The following INPP5D variants were observed in gnomAD, a reference collection of about 807,000 sequenced individuals.
INPP5D encodes the protein phosphatidylinositol 3,4,5-trisphosphate 5-phosphatase 1.
INPP5D carries 33 observed loss-of-function variants against 122.9 expected under a neutral mutation model. The ratio of observed to expected loss-of-function variants is 0.27; its 90% CI spans 0.20 to 0.36. INPP5D has a LOEUF of 0.36. Ranked by LOEUF, INPP5D falls within the 10% of genes least tolerant of loss-of-function variation. The pLI is 1.00. For missense variants in INPP5D, 1,053 were observed against 1,412.7 expected (o/e 0.75, Z 4.08); for synonymous variants, 584 against 576.2 (o/e 1.01, Z -0.19).
In INPP5D at chr2:233,164,076, T is replaced by C; in HGVS notation, c.1437+173T>C. ...AGAAATAAATGGGATCTGTGGGGTA[T>C]TGCTGAAAACCACTGAGTCCTCTAT... On this transcript the variant is annotated intron_variant, in intron 12 of 26. Coordinates refer to ENST00000445964, the MANE Select transcript of INPP5D (RefSeq NM_001017915.3). This position sits in a 1 kb window ranked among gnomAD's most constrained non-coding sequence, Gnocchi z 4.3. The C allele has an allele frequency of 1.4e-6, 2 of 1,385,994 alleles. No homozygotes were observed. Among genetic ancestry groups the C allele is most frequent in the Non-Finnish European group, 9.5e-7 (1 of 1,051,792 alleles). The allele number at this position is 1,385,994 out of a possible 1,614,324, so 85.9% of individuals were successfully genotyped here.
chr2:233,122,084 T>C, intron 2 of INPP5D, 23 bp from the exon 3 acceptor site: 1 of 1,612,266 alleles, frequency 6.2e-7, no homozygotes, highest in Non-Finnish European at 8.5e-7. Context: ...ACATGTGCGT[T>C]TGTTTGGATG....
At chr2:233,079,689 G>A (rs1334577657) in intron 2 of INPP5D, among the ~76,000 whole-genome samples, 1 of 152,216 alleles carries the variant, frequency 6.6e-6, no homozygotes, top group African/African-American at 2.4e-5. Context: ...AGGGAAAGGA[G>A]GGGCTGTGGC....
At chr2:233,185,740 A>C in intron 20 of INPP5D, 103 bp from the exon 21 acceptor site, 56 of 741,454 alleles carry the variant, frequency 7.6e-5, no homozygotes, top group Non-Finnish European at 9.5e-5. Flanking sequence ...AAAAAAAAGG[A>C]GAGAGCACAT....
chr2:233,075,290 A>AGGTC (rs1691489839), intron 1 of INPP5D, among the ~76,000 whole-genome samples: 1 of 152,192 alleles, frequency 6.6e-6, no homozygotes, highest in Non-Finnish European at 1.5e-5. Context: ...TTACTCTGAA[A>AGGTC]GGTCATCCAG....
intron 22 of INPP5D, among the ~76,000 whole-genome samples, chr2:233,191,374 T>G (rs373171655): frequency 3.9e-5 from 6 of 152,064 alleles, no homozygotes; most frequent in Admixed American, 6.5e-5. Context: ...CAATGACACA[T>G]GGGGATTGTG....
At chr2:233,147,325 G>A (rs1693790811) in intron 8 of INPP5D, 146 bp from the exon 9 acceptor site, 24 of 606,122 alleles carry the variant, frequency 4.0e-5, no homozygotes, top group Middle Eastern at 3.9e-4. Context: ...ATGCACGTGC[G>A]CCGCTGGGGC....
At chr2:233,077,859 C>CA (rs10710966) in intron 1 of INPP5D, among the ~76,000 whole-genome samples, 61 of 115,644 alleles carry the variant, frequency 5.3e-4, no homozygotes, top group South Asian at 1.4e-3. Flanking sequence ...GACTCCGTCT[C>CA]AAAAAAAAAA....
intron 10 of INPP5D, among the ~76,000 whole-genome samples, chr2:233,159,536 A>G (rs1359266526): frequency 1.8e-5 from 1 of 56,164 alleles, no homozygotes; most frequent in Non-Finnish European, 5.6e-5. Context: ...CATCTCTACG[A>G]AAAAAAAAAT....
chr2:233,169,193 C>T (rs985601250), intron 13 of INPP5D, 112 bp from the exon 14 acceptor site: 12 of 1,492,704 alleles, frequency 8.0e-6, no homozygotes, highest in Non-Finnish European at 1.1e-5. Flanking sequence ...TCGCCCATCC[C>T]TTGCCAGCTC....
chr2:233,067,652 G>C (rs987824395), intron 1 of INPP5D, among the ~76,000 whole-genome samples: 2 of 152,144 alleles, frequency 1.3e-5, no homozygotes, highest in African/African-American at 4.8e-5. Context: ...ATTCCTACTA[G>C]CAACATCTGA....
chr2:233,080,578 T>G (rs1022493633), intron 2 of INPP5D, among the ~76,000 whole-genome samples: 3 of 151,998 alleles, frequency 2.0e-5, no homozygotes, highest in African/African-American at 7.3e-5. Context: ...TATCATGTCA[T>G]GGAAGAGCAA....
rs886347002 is a variant in INPP5D at position 233,195,601 on chromosome 2, CT to C, written c.2693+109del. 9.8e-6 allele frequency: 15 copies of C among 1,537,930 alleles called. No homozygotes were observed. The African/African-American group carries it at 1.9e-4, about 20-fold the overall frequency. On this transcript the variant is annotated intron_variant, in intron 24 of 26. Transcript: ENST00000445964. ...ATGGTTCACGCCCATAATCCCGGCA[CT>C]TTGGGAGGCCAAGGCTGGAGGATCA... is the stretch of plus-strand genomic sequence containing the variant.
At chr2:233,192,435 C>T (rs1467959375) in intron 22 of INPP5D, among the ~76,000 whole-genome samples, 1 of 152,120 alleles carries the variant, frequency 6.6e-6, no homozygotes, top group African/African-American at 2.4e-5. Context: ...TTCACATTTC[C>T]AGCCTCATAC....
chr2:233,062,092 G>T (rs1228983585), intron 1 of INPP5D, among the ~76,000 whole-genome samples: 3 of 152,246 alleles, frequency 2.0e-5, no homozygotes, highest in Non-Finnish European at 4.4e-5. Flanking sequence ...GCCTTAGAAG[G>T]AGCAGGAAGA....
Position 233,182,416 on chromosome 2 carries a change from C to A in INPP5D, c.2078C>A (p.Thr693Asn). The change falls in exon 19 of 27, where the codon ACC becomes AAC. Residue 693 changes from threonine (T) to asparagine (N), a missense_variant. Thr to Asn is a moderately conservative substitution (Grantham distance 65). This residue lies in a region of INPP5D where 258 missense variants were observed against 439.1 expected (regional missense o/e 0.59). Transcript: ENST00000445964. ...TGCCTTCCCTCCCCTGCAGGCAGTA[C>A]CAGCGACATCATGACGAGTGACCAC... ...VHVVCQSYGS[T>N]SDIMTSDHSP... 6.2e-7 allele frequency: 1 copy of A among 1,613,708 alleles called. No individual in the cohort carries two copies. Among genetic ancestry groups the A allele is most frequent in the Non-Finnish European group, 8.5e-7 (1 of 1,179,688 alleles).
rs555608238 is a variant in INPP5D, at chr2:233,080,874, G to C, written c.198+1476G>C. Reference sequence around the variant, plus strand: ...TTGCTTCGAGGAGCGATGTGATTGAGAGAGGCCCAAGGGGCATGTGTGATG... The same window carrying C: ...TTGCTTCGAGGAGCGATGTGATTGACAGAGGCCCAAGGGGCATGTGTGATG... On this transcript the variant is annotated intron_variant, in intron 2 of 26. Coordinates refer to ENST00000445964, the MANE Select transcript of INPP5D (RefSeq NM_001017915.3). Among the ~76,000 whole-genome samples, 86 of 152,304 alleles carry C rather than the reference G, an allele frequency of 5.6e-4. 1 individual carries two copies. The South Asian group carries it at 0.017, about 30-fold the overall frequency.
chr2:233,163,655 C>T, intron 11 of INPP5D, 52 bp from the exon 12 acceptor site: 1 of 1,611,480 alleles, frequency 6.2e-7, no homozygotes, highest in Non-Finnish European at 8.5e-7. Context: ...TCTCCTAATG[C>T]TTTGACTCGA....
chr2:233,130,450 G>A (rs2106264112), intron 4 of INPP5D, 58 bp from the exon 5 acceptor site: 2 of 1,579,738 alleles, frequency 1.3e-6, no homozygotes, highest in Non-Finnish European at 1.7e-6. Context: ...GTTCCCATTG[G>A]TGATGGTGGC....
chr2:233,179,110 C>T (rs988706372), intron 18 of INPP5D, among the ~76,000 whole-genome samples: 38 of 152,358 alleles, frequency 2.5e-4, no homozygotes, highest in Middle Eastern at 3.4e-3. Context: ...CGTCACTAGA[C>T]GAACTTCACA....
Sources: gnomAD v4.1 joint callset for allele counts (sites outside exome capture counted in the v4.1 genomes callset) on GRCh38, gnomAD v4.1.1 for gene constraint, gnomAD v4.1.1 regional missense constraint, Gnocchi (gnomAD v3.1) non-coding constraint, MANE v1.5 for transcripts, NCBI Gene and HGNC (gene_info 2026-07-23, HGNC 2026-07-21) for gene names.